Variants in FSCN1 observed in about 807,000 individuals in gnomAD.
FSCN1 encodes the protein fascin actin-bundling protein 1.
A neutral mutation model predicts 39.7 loss-of-function variants in FSCN1; 10 were observed. The observed-to-expected ratio is 0.25, with a 90% CI of 0.16 to 0.43. The LOEUF (loss-of-function observed/expected upper bound fraction) is 0.43. Ranked by LOEUF, FSCN1 falls within the 20% of genes least tolerant of loss-of-function variation. FSCN1 has a pLI of 1.00. For missense variants in FSCN1, 525 were observed against 723.8 expected, an observed-to-expected ratio of 0.73 and a Z score of 3.15; for synonymous variants, 322 against 320.0, an observed-to-expected ratio of 1.01 and a Z score of -0.07.
chr7:5,599,121 C>G lies in FSCN1; in HGVS notation c.833-4136C>G, dbSNP rs1785781862. Among the ~76,000 whole-genome samples, 2 of 56 alleles carry G rather than the reference C, an allele frequency of 0.036. No individual in the cohort carries two copies. Among genetic ancestry groups the G allele is most frequent in the African/African-American group, 0.1 (2 of 20 alleles). 0.0% of individuals were successfully genotyped at this position (56 alleles called of 152,430 possible). A position where few individuals can be genotyped will look rare whatever the true frequency, so the allele number is the denominator to read the frequency against. On this transcript the variant is annotated intron_variant, in intron 1 of 4. Coordinates refer to ENST00000382361, the MANE Select transcript of FSCN1 (RefSeq NM_003088.4). This position sits in a 1 kb window ranked among gnomAD's most constrained non-coding sequence, Gnocchi z 5.6. ...GTGTGGCCTTAGGATGGTCCCGGCA[C>G]CCTGGGACCCAGCCCCTGCTCACCT...
chr7:5,594,330 CCCGCTGCCGGGCGGGGTCGGCCT>C (rs906691952), intron 1 of FSCN1, among the ~76,000 whole-genome samples: 4 of 152,156 alleles, frequency 2.6e-5, no homozygotes, highest in African/African-American at 9.6e-5. Context: ...TCCACCTCCT[CCCGCTGCCGGGCGGGGTCGGCCT>C]CCGCTGGTGG....
chr7:5,598,923 C>T (rs1785777151), intron 1 of FSCN1, among the ~76,000 whole-genome samples: 1 of 152,238 alleles, frequency 6.6e-6, no homozygotes, highest in South Asian at 2.1e-4. Flanking sequence ...GCAGGCCCTT[C>T]TGAGCAGAAT....
chr7:5,605,479 G>T lies in FSCN1; in HGVS notation c.*5G>T. The T allele has an allele frequency of 6.5e-7, 1 of 1,548,014 alleles. No homozygotes were observed. The highest frequency in any genetic ancestry group is 1.2e-5 in the South Asian group (1 of 83,984). Reference sequence around the variant, plus strand: ...GCCTCGCTCTGGGAGTACTAGGGCCGGCCCGTCCTTCCCCGCCCCTGCCCA... The same window carrying T: ...GCCTCGCTCTGGGAGTACTAGGGCCTGCCCGTCCTTCCCCGCCCCTGCCCA... On this transcript the variant is annotated 3_prime_UTR_variant, in exon 5 of 5. Coordinates refer to ENST00000382361, the MANE Select transcript of FSCN1 (RefSeq NM_003088.4). The surrounding 1 kb of genome is among the most constrained non-coding windows in gnomAD (Gnocchi z 6.9).
At chr7:5,604,537 C>T (rs1474593029) in intron 4 of FSCN1, among the ~76,000 whole-genome samples, 4 of 152,184 alleles carry the variant, frequency 2.6e-5, no homozygotes, top group East Asian at 3.9e-4. Context: ...GGCGTTATCT[C>T]GGCTCACTGC....
At chr7:5,595,151 C>T (rs148088588) in intron 1 of FSCN1, among the ~76,000 whole-genome samples, 125 of 152,312 alleles carry the variant, frequency 8.2e-4, no homozygotes, top group African/African-American at 2.6e-3. Flanking sequence ...TTGGAAGGAG[C>T]CCTCCTGACG....
In FSCN1 at chr7:5,603,355, A is replaced by G. The variant is rs1421430867; in HGVS notation, c.931A>G (p.Thr311Ala). 11 of 1,613,610 alleles carry G rather than the reference A, an allele frequency of 6.8e-6. No homozygotes were observed. The highest frequency in any genetic ancestry group is 3.3e-5 in the Admixed American group (2 of 60,000). Residue 311 changes from threonine to alanine, a missense_variant, in exon 2 of 5, where the codon ACG becomes GCG. Thr to Ala is a moderately conservative substitution (Grantham distance 58). Around this residue, in one of 3 missense-constraint regions of FSCN1, gnomAD observed 275 missense variants for 351.9 expected, o/e 0.78. Transcript: ENST00000382361. This position sits in a 1 kb window ranked among gnomAD's most constrained non-coding sequence, Gnocchi z 8.5. Reference protein sequence around the residue: ...DTKKCAFRTHTGKYWTLTATG... With the variant: ...DTKKCAFRTHAGKYWTLTATG... ...CAAAAAGTGTGCCTTCCGTACCCAC[A>G]CGGGCAAGTACTGGACGCTGACGGC...
chr7:5,602,521 C>A (rs1430815193), intron 1 of FSCN1, among the ~76,000 whole-genome samples: 2 of 152,038 alleles, frequency 1.3e-5, no homozygotes, highest in East Asian at 1.9e-4. Flanking sequence ...AAGCAAATCC[C>A]TGACATCAGG....
chr7:5,596,332 A>G (rs1196625787), intron 1 of FSCN1, among the ~76,000 whole-genome samples: 1 of 152,150 alleles, frequency 6.6e-6, no homozygotes. Context: ...CGGTGGGGGC[A>G]GGGTGCTCCC....
At position 5,603,210 on chromosome 7, in the gene FSCN1, T is replaced by C; in HGVS notation, c.833-47T>C. ...GCTCAGGGCTATGGTCTGCCAGAAC[T>C]AGGGGGCGTGGGGCCCCAGTACCAG... On this transcript the variant is annotated intron_variant, in intron 1 of 4. Transcript: ENST00000382361. The surrounding 1 kb of genome is among the most constrained non-coding windows in gnomAD (Gnocchi z 8.5). 6.2e-7 allele frequency: 1 copy of C among 1,602,694 alleles called. No individual in the cohort carries two copies. The highest frequency in any genetic ancestry group is 2.2e-5 in the East Asian group (1 of 44,832).
chr7:5,600,233 G>A (rs1348789270), intron 1 of FSCN1, among the ~76,000 whole-genome samples: 1 of 152,040 alleles, frequency 6.6e-6, no homozygotes, highest in Non-Finnish European at 1.5e-5. Flanking sequence ...CCAACATAAT[G>A]AAACTCCGTC....
In FSCN1 at chr7:5,599,296, G is replaced by A. The variant is rs908858361; in HGVS notation, c.833-3961G>A. Among the ~76,000 whole-genome samples the A allele has an allele frequency of 1.3e-5, 2 of 152,116 alleles. No homozygotes were observed. Among genetic ancestry groups the A allele is most frequent in the Non-Finnish European group, 2.9e-5 (2 of 67,998 alleles). ...AGCCCAAGGGGTTCCAAGAAGGGGC[G>A]GGGCCAGGAACCCATAGACAAGAGG... is the stretch of plus-strand genomic sequence containing the variant. On this transcript the variant is annotated intron_variant, in intron 1 of 4. Transcript: ENST00000382361. This position sits in a 1 kb window ranked among gnomAD's most constrained non-coding sequence, Gnocchi z 5.6.
At chr7:5,600,582 C>G (rs1243511826) in intron 1 of FSCN1, among the ~76,000 whole-genome samples, 2 of 151,152 alleles carry the variant, frequency 1.3e-5, no homozygotes, top group Non-Finnish European at 2.9e-5. Context: ...GCCTCCGCCT[C>G]CTGGGTTCAA....
chr7:5,605,385 G>A lies in FSCN1; in HGVS notation c.1393G>A (p.Val465Met), dbSNP rs769476185. ...CGACTATAACAAGGTGGCCATCAAG[G>A]TGGGCGGGCGCTACCTGAAGGGCGA... is the stretch of plus-strand genomic sequence containing the variant. ...FCDYNKVAIK[V>M]GGRYLKGDHA... Residue 465 changes from valine (V) to methionine (M), a missense_variant, in exon 5 of 5, where the codon GTG becomes ATG. Transcript: ENST00000382361. This position sits in a 1 kb window ranked among gnomAD's most constrained non-coding sequence, Gnocchi z 6.9. 3 of 1,613,804 alleles carry A rather than the reference G, an allele frequency of 1.9e-6. No homozygotes were observed. Among genetic ancestry groups the A allele is most frequent in the Non-Finnish European group, 2.5e-6 (3 of 1,179,896 alleles).
chr7:5,593,832 C>G, intron 1 of FSCN1, 64 bp downstream of exon 1: 1 of 1,108,184 alleles, frequency 9.0e-7, no homozygotes, highest in Non-Finnish European at 1.3e-6. Flanking sequence ...ACCCGCGCCC[C>G]TCCAGCCTCC....
chr7:5,602,750 T>A (rs1252242970), intron 1 of FSCN1: 1 of 165,268 alleles, frequency 6.1e-6, no homozygotes, highest in Non-Finnish European at 1.3e-5. Flanking sequence ...CAGGCTGGAG[T>A]GCAGTGGTGC....
rs1785827587 is a variant in FSCN1, at chr7:5,601,342, A to G, written c.833-1915A>G. 2.0e-5 allele frequency among the ~76,000 whole-genome samples: 3 copies of G among 151,086 alleles called. No individual in the cohort carries two copies. In the East Asian group the frequency reaches 5.9e-4, roughly 30 times the overall value. On this transcript the variant is annotated intron_variant, in intron 1 of 4. Transcript: ENST00000382361. ...CTCAGACTTCCAAGTAGCTGGGATT[A>G]CAGGCATGCCCCACCATGCCCAGCT...
In FSCN1 at chr7:5,605,565, G is replaced by A. The variant is rs1303483388; in HGVS notation, c.*91G>A. The A allele has an allele frequency of 4.1e-6, 4 of 978,106 alleles. No homozygotes were observed. The highest frequency in any genetic ancestry group is 3.4e-5 in the South Asian group (2 of 59,146). 60.6% of individuals were successfully genotyped at this position (978,106 alleles called of 1,614,324 possible). A position where few individuals can be genotyped will look rare whatever the true frequency, so the allele number is the denominator to read the frequency against. Reference sequence around the variant, plus strand: ...TTCTCCGCCAGGTGGGCTCCAGGGCGGGAGGCAAGCCCCCTTGCCTTTCAA... The same window carrying A: ...TTCTCCGCCAGGTGGGCTCCAGGGCAGGAGGCAAGCCCCCTTGCCTTTCAA... On this transcript the variant is annotated 3_prime_UTR_variant, in exon 5 of 5. Coordinates refer to ENST00000382361, the MANE Select transcript of FSCN1 (RefSeq NM_003088.4). The surrounding 1 kb of genome is among the most constrained non-coding windows in gnomAD (Gnocchi z 6.9).
chr7:5,601,089 A>G (rs1365523011), intron 1 of FSCN1, among the ~76,000 whole-genome samples: 3 of 151,530 alleles, frequency 2.0e-5, no homozygotes, highest in Non-Finnish European at 4.4e-5. Flanking sequence ...GTGCCCGGCC[A>G]GTCCCATTCT....
chr7:5,603,095 G>A lies in FSCN1; in HGVS notation c.833-162G>A. Reference sequence around the variant, plus strand: ...TGACCGGCCCTGCCTGCGTTCCTGGGTGCTCTCTGCTGCTTCTCATGTGTG... The same window carrying A: ...TGACCGGCCCTGCCTGCGTTCCTGGATGCTCTCTGCTGCTTCTCATGTGTG... On this transcript the variant is annotated intron_variant, in intron 1 of 4. Coordinates refer to ENST00000382361, the MANE Select transcript of FSCN1 (RefSeq NM_003088.4). This position sits in a 1 kb window ranked among gnomAD's most constrained non-coding sequence, Gnocchi z 8.5. 1.4e-6 allele frequency: 1 copy of A among 722,582 alleles called. No individual in the cohort carries two copies. The highest frequency in any genetic ancestry group is 2.5e-5 in the East Asian group (1 of 39,250). The allele number at this position is 722,582 out of a possible 1,614,324, so 44.8% of individuals were successfully genotyped here.
Sources: allele counts gnomAD v4.1 joint callset (sites outside exome capture counted in the v4.1 genomes callset), GRCh38; gene constraint gnomAD v4.1.1; regional missense constraint gnomAD v4.1.1; non-coding constraint Gnocchi (gnomAD v3.1); transcripts MANE v1.5; gene names NCBI Gene and HGNC (gene_info 2026-07-23, HGNC 2026-07-21).